Variants in ZNF385B observed in about 807,000 individuals in gnomAD.
ZNF385B encodes the protein zinc finger protein 385B, also known as zinc finger protein 533.
A neutral mutation model predicts 39.2 loss-of-function variants in ZNF385B; 23 were observed. The ratio of observed to expected loss-of-function variants is 0.59; its 90% CI spans 0.42 to 0.83. ZNF385B has a LOEUF of 0.83. Ranked by LOEUF, ZNF385B falls within the 40% of genes least tolerant of loss-of-function variation. The probability of loss-of-function intolerance (pLI) is 0.00; values close to 1 mark genes in which losing one functional copy is unlikely to be tolerated. For synonymous variants in ZNF385B, 205 were observed against 222.6 expected (o/e 0.92, Z 0.70); for missense variants, 552 against 598.9 (o/e 0.92, Z 0.82).
At chr2:179,686,283 G>A (rs1179889741) in intron 3 of ZNF385B, among the ~76,000 whole-genome samples, 1 of 152,208 alleles carries the variant, frequency 6.6e-6, no homozygotes, top group East Asian at 1.9e-4. Context: ...CAGTGTCACT[G>A]AGCTGTGGTC....
intron 4 of ZNF385B, among the ~76,000 whole-genome samples, chr2:179,536,883 A>G (rs906274056): frequency 2.6e-5 from 4 of 152,238 alleles, no homozygotes; most frequent in Non-Finnish European, 5.9e-5. Context: ...TAACATCTGC[A>G]TACTCTAAAG....
At chr2:179,841,392 A>G (rs1457916029) in intron 1 of ZNF385B, among the ~76,000 whole-genome samples, 3 of 152,342 alleles carry the variant, frequency 2.0e-5, no homozygotes, top group Non-Finnish European at 4.4e-5. Context: ...AAAAGGAATC[A>G]GAAACCCCAG....
chr2:179,622,358 T>C (rs1231956033), intron 3 of ZNF385B, among the ~76,000 whole-genome samples: 2 of 152,208 alleles, frequency 1.3e-5, no homozygotes, highest in East Asian at 1.9e-4. Context: ...TGGAGTTTCC[T>C]GGATTTATCT....
chr2:179,623,903 A>T (rs1247523729), intron 3 of ZNF385B, among the ~76,000 whole-genome samples: 1 of 152,190 alleles, frequency 6.6e-6, no homozygotes, highest in Non-Finnish European at 1.5e-5. Flanking sequence ...TTTTCAAAAG[A>T]GTTGTTAGAC....
At chr2:179,540,651 T>C (rs2059864939) in intron 4 of ZNF385B, among the ~76,000 whole-genome samples, 1 of 152,122 alleles carries the variant, frequency 6.6e-6, no homozygotes, top group Admixed American at 6.5e-5. Context: ...TTTCCTCTCT[T>C]CCAAAAAATG....
chr2:179,500,713 C>T (rs1223002190), intron 5 of ZNF385B, among the ~76,000 whole-genome samples: 2 of 152,060 alleles, frequency 1.3e-5, no homozygotes, highest in Non-Finnish European at 2.9e-5. Context: ...CAATACCCCA[C>T]AAGCACAGGC....
intron 1 of ZNF385B, among the ~76,000 whole-genome samples, chr2:179,798,684 T>C (rs910440536): frequency 6.6e-6 from 1 of 152,132 alleles, no homozygotes; most frequent in Admixed American, 6.6e-5. Flanking sequence ...TTACCTTTTA[T>C]TTTGTTCCCA....
intron 3 of ZNF385B, among the ~76,000 whole-genome samples, chr2:179,623,711 C>T (rs956034198): frequency 2.5e-4 from 38 of 152,178 alleles, no homozygotes; most frequent in Non-Finnish European, 5.9e-5. Flanking sequence ...TCTGGTTCTA[C>T]TTCCCTGCTT....
At chr2:179,754,444 C>G (rs181632726) in intron 3 of ZNF385B, among the ~76,000 whole-genome samples, 1 of 152,296 alleles carries the variant, frequency 6.6e-6, no homozygotes, top group East Asian at 1.9e-4. Context: ...ATGCTGTCCT[C>G]ATAAAATGAG....
chr2:179,496,825 G>C (rs1434917662), intron 5 of ZNF385B, among the ~76,000 whole-genome samples: 1 of 152,214 alleles, frequency 6.6e-6, no homozygotes, highest in African/African-American at 2.4e-5. Flanking sequence ...GAGGAGGATG[G>C]ATCACTTGAG....
chr2:179,493,717 A>ATATATG, intron 5 of ZNF385B, among the ~76,000 whole-genome samples: 1 of 133,070 alleles, frequency 7.5e-6, no homozygotes, highest in Non-Finnish European at 1.6e-5. Flanking sequence ...ACACATATGC[A>ATATATG]TATACGTATA....
intron 1 of ZNF385B, among the ~76,000 whole-genome samples, chr2:179,845,418 C>T (rs1319288683): frequency 2.6e-5 from 4 of 152,120 alleles, no homozygotes; most frequent in Non-Finnish European, 5.9e-5. Flanking sequence ...CTGTGGTTAG[C>T]GTAGGCAGTT....
Position 179,623,761 on chromosome 2 carries a change from G to T in ZNF385B, c.299-78792C>A, listed in dbSNP as rs182528437. ...CAATGTCCTGAACCTGGTTCTGCAG[G>T]CTTCTAGTGTTTCCATGAGCTCCCC... On this transcript the variant is annotated intron_variant, in intron 3 of 9. Coordinates refer to ENST00000410066, the MANE Select transcript of ZNF385B (RefSeq NM_152520.6). Among the ~76,000 whole-genome samples, 18 of 152,176 alleles carry T rather than the reference G, an allele frequency of 1.2e-4. No individual in the cohort carries two copies. The East Asian group carries it at 3.3e-3, about 28-fold the overall frequency.
rs981517617 is a variant in ZNF385B at position 179,676,349 on chromosome 2, A to G, written c.298+93154T>C. Among the ~76,000 whole-genome samples, 13 of 150,230 alleles carry G rather than the reference A, an allele frequency of 8.7e-5. 1 individual carries two copies. The highest frequency in any genetic ancestry group is 3.2e-4 in the African/African-American group (13 of 40,640). ...ATGATCCGCCTGCCTCGGCCTCCCA[A>G]AGTGCTGGGATTACAGGCGTGAGCC... On this transcript the variant is annotated intron_variant, in intron 3 of 9. Coordinates refer to ENST00000410066, the MANE Select transcript of ZNF385B (RefSeq NM_152520.6).
At chr2:179,617,162 A>G (rs7608208) in intron 3 of ZNF385B, among the ~76,000 whole-genome samples, 47,665 of 152,106 alleles carry the variant, frequency 0.31, 8,147 homozygotes, top group Non-Finnish European at 0.38. Flanking sequence ...TGTCTTGGAT[A>G]TAATTAATGA....
intron 5 of ZNF385B, among the ~76,000 whole-genome samples, chr2:179,501,966 T>C (rs1014385722): frequency 1.3e-5 from 2 of 152,216 alleles, no homozygotes; most frequent in African/African-American, 2.4e-5. Context: ...ATATGTTGTT[T>C]CCAAAGTTGT....
intron 6 of ZNF385B, among the ~76,000 whole-genome samples, chr2:179,468,159 T>C (rs562294468): frequency 2.9e-4 from 44 of 152,230 alleles, no homozygotes; most frequent in Non-Finnish European, 4.7e-4. Flanking sequence ...AACAATGGCA[T>C]CTCCAACTAT....
chr2:179,659,897 G>T (rs978946680), intron 3 of ZNF385B, among the ~76,000 whole-genome samples: 5 of 152,024 alleles, frequency 3.3e-5, no homozygotes, highest in African/African-American at 9.7e-5. Context: ...ACATTTCCAA[G>T]ATTATTCTAA....
intron 3 of ZNF385B, among the ~76,000 whole-genome samples, chr2:179,665,811 CTT>C (rs72068930): frequency 9.5e-5 from 14 of 146,840 alleles, no homozygotes; most frequent in African/African-American, 3.0e-4. Flanking sequence ...GAAGTGCTAT[CTT>C]TTTTTTTTTT....
Sources: allele counts gnomAD v4.1 joint callset (sites outside exome capture counted in the v4.1 genomes callset), GRCh38; gene constraint gnomAD v4.1.1; transcripts MANE v1.5; gene names NCBI Gene and HGNC (gene_info 2026-07-23, HGNC 2026-07-21).